Variants in CFH observed in about 807,000 individuals in gnomAD.
The protein encoded by CFH is H factor 1 (complement).
In CFH, 53 loss-of-function variants were observed where a neutral mutation model predicts 147.3. That is an observed-to-expected ratio of 0.36 (90% CI 0.29 to 0.45). The LOEUF (loss-of-function observed/expected upper bound fraction) is 0.45. Among genes scored for constraint, CFH ranks in the 20% least tolerant of loss-of-function variants. The pLI is 1.00. For missense variants in CFH, 1,380 were observed against 1,498.0 expected (o/e 0.92, Z 1.30); for synonymous variants, 536 against 489.4 (o/e 1.10, Z -1.26).
intron 9 of CFH, among the ~76,000 whole-genome samples, chr1:196,697,341 T>C (rs1451155633): frequency 7.2e-5 from 11 of 151,968 alleles, no homozygotes; most frequent in East Asian, 1.9e-4. Context: ...AAAAAGTGGG[T>C]GAAGGATATG....
intron 9 of CFH, among the ~76,000 whole-genome samples, chr1:196,709,103 A>C (rs991816656): frequency 6.6e-6 from 1 of 152,146 alleles, no homozygotes; most frequent in African/African-American, 2.4e-5. Context: ...ACTTATATCA[A>C]TGCTTCTGGT....
In CFH at chr1:196,690,213, C is replaced by T. The variant is rs200644601; in HGVS notation, c.1310C>T (p.Ser437Phe). Residue 437 changes from serine to phenylalanine, a missense_variant, in exon 9 of 22, where the codon TCT (serine) becomes TTT (phenylalanine). Transcript: ENST00000367429. ...TTVTCMENGW[S>F]PTPRCIRVKT... ...GTTACATGTATGGAGAATGGCTGGT[C>T]TCCTACTCCCAGATGCATCCGTGTC... is the stretch of plus-strand genomic sequence containing the variant. The T allele has an allele frequency of 1.2e-6, 2 of 1,613,352 alleles. No individual in the cohort carries two copies. The highest frequency in any genetic ancestry group is 1.1e-5 in the South Asian group (1 of 91,080).
At chr1:196,686,142 A>G (rs1667818219) in intron 7 of CFH, among the ~76,000 whole-genome samples, 2 of 152,070 alleles carry the variant, frequency 1.3e-5, no homozygotes, top group African/African-American at 4.8e-5. Context: ...CAAGGGGGAG[A>G]TCCACCTCTA....
intron 1 of CFH, among the ~76,000 whole-genome samples, chr1:196,664,413 T>C (rs1667009007): frequency 6.6e-6 from 1 of 152,120 alleles, no homozygotes; most frequent in Non-Finnish European, 1.5e-5. Flanking sequence ...TCTGAAATAA[T>C]GAATCCCAAG....
At chr1:196,733,408 C>G (rs1290569750) in intron 15 of CFH, among the ~76,000 whole-genome samples, 1 of 152,050 alleles carries the variant, frequency 6.6e-6, no homozygotes, top group African/African-American at 2.4e-5. Context: ...TCTATGGAGA[C>G]TGGTATTTTT....
chr1:196,723,320 T>C (rs963809642), intron 11 of CFH, among the ~76,000 whole-genome samples: 3 of 152,152 alleles, frequency 2.0e-5, no homozygotes. Context: ...CTTTCAGTGG[T>C]AAAGACTCTG....
rs369496377 is a variant in CFH, at chr1:196,690,155, C to A, written c.1252C>A (p.Pro418Thr). 3.3e-5 allele frequency: 54 copies of A among 1,613,318 alleles called. No individual in the cohort carries two copies. In the South Asian group the frequency reaches 5.7e-4, roughly 17 times the overall value. The change falls in exon 9 of 22, where the codon CCT (proline) becomes ACT (threonine). Residue 418 changes from proline to threonine, a missense_variant. Around this residue, in one of 4 missense-constraint regions of CFH, gnomAD observed 830 missense variants for 821.4 expected, o/e 1.01. Coordinates refer to ENST00000367429, the MANE Select transcript of CFH (RefSeq NM_000186.4). ...TAAATCTATAGACGTTGCCTGCCAT[C>A]CTGGCTACGCTCTTCCAAAAGCGCA... is the stretch of plus-strand genomic sequence containing the variant. ...QGKSIDVACH[P>T]GYALPKAQTT...
intron 9 of CFH, among the ~76,000 whole-genome samples, chr1:196,692,047 C>A (rs968374173): frequency 6.6e-6 from 1 of 151,926 alleles, no homozygotes; most frequent in African/African-American, 2.4e-5. Context: ...TATACACACA[C>A]ACAATAACTA....
intron 1 of CFH, among the ~76,000 whole-genome samples, chr1:196,654,819 A>G (rs1234461497): frequency 6.6e-6 from 1 of 152,176 alleles, no homozygotes; most frequent in African/African-American, 2.4e-5. Flanking sequence ...AGATTGATGG[A>G]TTCCATTACA....
At chr1:196,724,035 G>T (rs1177138184) in intron 11 of CFH, among the ~76,000 whole-genome samples, 1 of 152,072 alleles carries the variant, frequency 6.6e-6, no homozygotes, top group Admixed American at 6.5e-5. Context: ...CCGCGTCTGC[G>T]TGTCTGCTGG....
intron 1 of CFH, among the ~76,000 whole-genome samples, chr1:196,655,035 G>C (rs116553916): frequency 6.6e-6 from 1 of 151,994 alleles, no homozygotes; most frequent in Non-Finnish European, 1.5e-5. Context: ...TTTACGTGTT[G>C]ATATTAATAT....
At position 196,658,762 on chromosome 1, in the gene CFH, G is replaced by T. The variant is rs762056997; in HGVS notation, c.58+6587G>T. ...TTTTAAAATTTTTTGTAGAGACAGG[G>T]TTTCACCACGTTGCCCAGGCTGGTC... is the stretch of plus-strand genomic sequence containing the variant. On this transcript the variant is annotated intron_variant, in intron 1 of 21. Transcript: ENST00000367429. Among the ~76,000 whole-genome samples the T allele has an allele frequency of 1.0e-3, 158 of 152,064 alleles. 1 individual carries two copies. The highest frequency in any genetic ancestry group is 1.1e-3 in the Non-Finnish European group (75 of 67,974).
Position 196,743,434 on chromosome 1 carries a change from T to A in CFH, c.3134-18T>A. 1.9e-6 allele frequency: 3 copies of A among 1,613,936 alleles called. No individual in the cohort carries two copies. The highest frequency in any genetic ancestry group is 2.5e-6 in the Non-Finnish European group (3 of 1,179,848). ...AAAATGAACACTAGGTGGAACCACT[T>A]CTTTTTTTTCTATTCAGACACCTCC... On this transcript the variant is annotated intron_variant, in intron 19 of 21. Coordinates refer to ENST00000367429, the MANE Select transcript of CFH (RefSeq NM_000186.4).
At position 196,743,533 on chromosome 1, in the gene CFH, G is replaced by A; in HGVS notation, c.3215G>A (p.Arg1072Lys). Reference protein sequence around the residue: ...RQMSKYPSGERVRYQCRSPYE... With the variant: ...RQMSKYPSGEKVRYQCRSPYE... ...ATGAGTAAATATCCATCTGGTGAGA[G>A]AGTACGTTATCAATGTAGGAGCCCT... Residue 1072 changes from arginine (R) to lysine (K), a missense_variant, in exon 20 of 22, where the codon AGA becomes AAA. Arg to Lys is a conservative substitution (Grantham distance 26). Transcript: ENST00000367429. 1.2e-6 allele frequency: 2 copies of A among 1,614,060 alleles called. No homozygotes were observed. The highest frequency in any genetic ancestry group is 1.7e-6 in the Non-Finnish European group (2 of 1,179,938).
chr1:196,653,494 C>A (rs2143912), intron 1 of CFH, among the ~76,000 whole-genome samples: 6 of 151,836 alleles, frequency 4.0e-5, no homozygotes, highest in Admixed American at 3.9e-4. Context: ...ATGTTTCTAA[C>A]GTTTCATACC....
At chr1:196,735,202 A>T (rs994913032) in intron 15 of CFH, among the ~76,000 whole-genome samples, 3 of 152,112 alleles carry the variant, frequency 2.0e-5, no homozygotes, top group African/African-American at 7.2e-5. Flanking sequence ...TTGATGATTA[A>T]TTATATGGAA....
intron 20 of CFH, among the ~76,000 whole-genome samples, chr1:196,745,332 T>A (rs1257123988): frequency 6.6e-6 from 1 of 152,136 alleles, no homozygotes; most frequent in Non-Finnish European, 1.5e-5. Flanking sequence ...CTCAGTTCAG[T>A]TTTTTGTTTT....
chr1:196,683,122 CA>C (rs1425267528), intron 6 of CFH, among the ~76,000 whole-genome samples: 1 of 149,870 alleles, frequency 6.7e-6, no homozygotes, highest in East Asian at 1.9e-4. Context: ...AGAGGAGAAG[CA>C]AAAAATATAA....
chr1:196,721,636 C>T (rs564673815), intron 11 of CFH, among the ~76,000 whole-genome samples: 2 of 151,858 alleles, frequency 1.3e-5, no homozygotes, highest in Non-Finnish European at 2.9e-5. Flanking sequence ...TGCAATCTGT[C>T]TAGTATAGTC....
Sources: allele counts gnomAD v4.1 joint callset (sites outside exome capture counted in the v4.1 genomes callset), GRCh38; gene constraint gnomAD v4.1.1; regional missense constraint gnomAD v4.1.1; transcripts MANE v1.5; gene names NCBI Gene and HGNC (gene_info 2026-07-23, HGNC 2026-07-21).